The following CLASP2 variants were observed in gnomAD, a reference collection of about 807,000 sequenced individuals.
CLASP2 encodes the protein CLIP-associating protein 2.
In CLASP2, 47 loss-of-function variants were observed where a neutral mutation model predicts 194.4. The observed-to-expected ratio is 0.24, with a 90% CI of 0.19 to 0.31. CLASP2 has a LOEUF of 0.31. Ranked by LOEUF, CLASP2 falls within the 10% of genes least tolerant of loss-of-function variation. The pLI is 1.00. For missense variants in CLASP2, 1,445 were observed against 1,823.6 expected, an observed-to-expected ratio of 0.79 and a Z score of 3.78; for synonymous variants, 619 against 633.5, an observed-to-expected ratio of 0.98 and a Z score of 0.34.
chr3:33,517,143 T>G lies in CLASP2; in HGVS notation c.3819A>C (p.Ala1273=). 6.2e-7 allele frequency: 1 copy of G among 1,613,162 alleles called. No individual in the cohort carries two copies. Among genetic ancestry groups the G allele is most frequent in the Non-Finnish European group, 8.5e-7 (1 of 1,179,638 alleles). The change falls in exon 35 of 39, where the codon GCA becomes GCC. Residue 1273 remains alanine, a synonymous_variant. Transcript: ENST00000682230. ...GGTTAGACAGCTCCTTCAACAACTC[T>G]GCAACTAGGTCAGAATGATCTAGGG... ...DLSLDHSDLV[A]ELLKELSNHN...
intron 6 of CLASP2, among the ~76,000 whole-genome samples, chr3:33,673,236 C>G (rs2087744298): frequency 6.6e-6 from 1 of 152,186 alleles, no homozygotes; most frequent in Non-Finnish European, 1.5e-5. Context: ...AGACTAACAG[C>G]AGATGTCTCG....
intron 27 of CLASP2, among the ~76,000 whole-genome samples, chr3:33,565,247 C>T (rs1165021056): frequency 6.6e-6 from 1 of 152,072 alleles, no homozygotes; most frequent in Non-Finnish European, 1.5e-5. Flanking sequence ...GGTGCGATCT[C>T]GGCTCACTGA....
chr3:33,606,494 T>C (rs749836747), intron 16 of CLASP2, 97 bp downstream of exon 16: 181 of 922,740 alleles, frequency 2.0e-4, no homozygotes, highest in Non-Finnish European at 2.8e-4. Flanking sequence ...TTCAAGGCTT[T>C]AGGTGAAAGC....
At chr3:33,641,230 A>C (rs896864157) in intron 8 of CLASP2, among the ~76,000 whole-genome samples, 6 of 151,996 alleles carry the variant, frequency 3.9e-5, no homozygotes, top group Non-Finnish European at 5.9e-5. Context: ...GTTACCTAAA[A>C]TACTGTAAAG....
Position 33,619,701 on chromosome 3 carries a change from C to T in CLASP2, c.1219G>A (p.Gly407Ser). The T allele has an allele frequency of 6.3e-7, 1 of 1,585,560 alleles. No individual in the cohort carries two copies. The highest frequency in any genetic ancestry group is 8.6e-7 in the Non-Finnish European group (1 of 1,165,554). Residue 407 changes from glycine to serine, a missense_variant, in exon 12 of 39, where the codon GGC (glycine) becomes AGC (serine). By Grantham distance (56) the Gly-to-Ser change is moderately conservative. Around this residue, in one of 4 missense-constraint regions of CLASP2, gnomAD observed 207 missense variants for 331.4 expected, o/e 0.62. Transcript: ENST00000682230. ...AGTGTAGGTACAATGGCTTCAGCGC[C>T]ATGATCAAACTTGTTTCCCAAAACT... The part of the protein sequence containing the change: ...STVLGNKFDH[G>S]AEAIVPTLFN...
chr3:33,528,061 G>A (rs919619377), intron 34 of CLASP2, among the ~76,000 whole-genome samples: 9 of 152,112 alleles, frequency 5.9e-5, no homozygotes, highest in Non-Finnish European at 8.8e-5. Flanking sequence ...CTGGCAAACC[G>A]AATCCAGCAG....
intron 34 of CLASP2, among the ~76,000 whole-genome samples, chr3:33,518,101 A>T (rs2051930296): frequency 6.6e-6 from 1 of 152,208 alleles, no homozygotes; most frequent in South Asian, 2.1e-4. Flanking sequence ...ACCTATTCTG[A>T]TTATCCTGAA....
intron 7 of CLASP2, among the ~76,000 whole-genome samples, chr3:33,655,388 T>C (rs1304379791): frequency 6.6e-6 from 1 of 152,162 alleles, no homozygotes; most frequent in African/African-American, 2.4e-5. Flanking sequence ...CACAGGATGG[T>C]TGTACAACAC....
chr3:33,581,822 G>A lies in CLASP2; in HGVS notation c.2346C>T (p.Leu782=), dbSNP rs370915524. 103 of 1,610,610 alleles carry A rather than the reference G, an allele frequency of 6.4e-5. No individual in the cohort carries two copies. Among genetic ancestry groups the A allele is most frequent in the South Asian group, 7.7e-5 (7 of 90,614 alleles). ...DTSPVRSFQP[L]GPGYGISQSS... ...CATAACACCTGCCCGAATACGTACC[G>A]AGGGGCTGAAAAGAGCGAACAGGAC... is the stretch of plus-strand genomic sequence containing the variant. Residue 782 remains leucine, a splice_region_variant and synonymous_variant, in exon 23 of 39, where the codon CTC becomes CTT. Transcript: ENST00000682230.
chr3:33,527,057 C>A (rs529372210), intron 34 of CLASP2, among the ~76,000 whole-genome samples: 3 of 151,936 alleles, frequency 2.0e-5, no homozygotes, highest in South Asian at 4.1e-4. Flanking sequence ...AACTTCATAA[C>A]TGAAAGAATT....
At chr3:33,584,055 T>A (rs150675027) in intron 22 of CLASP2, among the ~76,000 whole-genome samples, 4,324 of 152,278 alleles carry the variant, frequency 0.028, 85 homozygotes, top group Non-Finnish European at 0.038. Flanking sequence ...ATTACTATTA[T>A]CTGAAATTGA....
chr3:33,575,003 C>T (rs947687824), intron 24 of CLASP2, among the ~76,000 whole-genome samples: 1 of 151,966 alleles, frequency 6.6e-6, no homozygotes. Flanking sequence ...AAGAAAAACC[C>T]AATCAATTCG....
chr3:33,659,181 G>T, intron 7 of CLASP2: 2 of 1,372,542 alleles, frequency 1.5e-6, no homozygotes, highest in Non-Finnish European at 1.9e-6. Context: ...AAAGTCTGGG[G>T]TCTTGCTGAA....
intron 12 of CLASP2, 34 bp downstream of exon 12, chr3:33,619,569 G>A: frequency 2.6e-6 from 4 of 1,518,470 alleles, no homozygotes; most frequent in African/African-American, 2.8e-5. Context: ...GTGGGGGGAG[G>A]AGGCAGCAGT....
intron 12 of CLASP2, among the ~76,000 whole-genome samples, chr3:33,613,990 C>T (rs2075672109): frequency 6.6e-6 from 1 of 152,068 alleles, no homozygotes; most frequent in Non-Finnish European, 1.5e-5. Context: ...CAATCAAACA[C>T]TAAGTCAGAA....
intron 26 of CLASP2, among the ~76,000 whole-genome samples, chr3:33,567,918 G>A (rs1021684777): frequency 8.6e-5 from 13 of 151,998 alleles, no homozygotes; most frequent in Non-Finnish European, 1.8e-4. Flanking sequence ...AATATGTGTT[G>A]TACTGCTTCA....
intron 1 of CLASP2, among the ~76,000 whole-genome samples, chr3:33,700,054 G>A (rs1238631903): frequency 6.6e-6 from 1 of 150,868 alleles, no homozygotes; most frequent in Non-Finnish European, 1.5e-5. Context: ...AATCTTCAGG[G>A]AAAAAAATAC....
At position 33,596,343 on chromosome 3, in the gene CLASP2, T is replaced by C. The variant is rs972604718; in HGVS notation, c.1948+368A>G. Among the ~76,000 whole-genome samples, 14 of 152,268 alleles carry C rather than the reference T, an allele frequency of 9.2e-5. No homozygotes were observed. In the East Asian group the frequency reaches 1.5e-3, roughly 17 times the overall value. On this transcript the variant is annotated intron_variant, in intron 19 of 38. Transcript: ENST00000682230. ...ATATGTCATTTGTCATATCACTTAATAGACTAAAGAGGTGAATGAAATGAC... is the reference window on the plus strand; with the variant it reads ...ATATGTCATTTGTCATATCACTTAACAGACTAAAGAGGTGAATGAAATGAC...
intron 36 of CLASP2, among the ~76,000 whole-genome samples, chr3:33,513,855 G>T (rs1326484721): frequency 6.6e-6 from 1 of 152,144 alleles, no homozygotes; most frequent in African/African-American, 2.4e-5. Context: ...TTGCTGAGTT[G>T]TAAGAATATA....
Sources: gnomAD v4.1 joint callset for allele counts (sites outside exome capture counted in the v4.1 genomes callset) on GRCh38, gnomAD v4.1.1 for gene constraint, gnomAD v4.1.1 regional missense constraint, MANE v1.5 for transcripts, NCBI Gene and HGNC (gene_info 2026-07-23, HGNC 2026-07-21) for gene names.